ADGRG6: variants seen among roughly 807,000 people sequenced by gnomAD.
ADGRG6 encodes G-protein coupled receptor 126.
In ADGRG6, 84 loss-of-function variants were observed where a neutral mutation model predicts 142.4. That is an observed-to-expected ratio of 0.59 (90% CI 0.49 to 0.71). The LOEUF is 0.71. Ranked by LOEUF, ADGRG6 falls within the 30% of genes least tolerant of loss-of-function variation. The pLI is 0.00. For missense variants in ADGRG6, 1,367 were observed against 1,466.6 expected, an observed-to-expected ratio of 0.93 and a Z score of 1.11; for synonymous variants, 521 against 520.5, an observed-to-expected ratio of 1.00 and a Z score of -0.01.
intron 3 of ADGRG6, 125 bp downstream of exon 3, chr6:142,368,035 AG>A: frequency 1.6e-6 from 1 of 620,482 alleles, no homozygotes. Context: ...TTGGGATATA[AG>A]GGCAAGAATC....
chr6:142,302,214 C>A lies in ADGRG6; in HGVS notation c.-116C>A. On this transcript the variant is annotated 5_prime_UTR_variant, in exon 1 of 25. Coordinates refer to ENST00000367609, the MANE Select transcript of ADGRG6 (RefSeq NM_198569.3). The stretch of plus-strand genomic sequence containing the variant: ...GAAACGGCGTAAAGGAGGGTCCCGC[C>A]GCGGCGCAGGGCTGGGGCGCCTGGG... The A allele has an allele frequency of 8.3e-7, 1 of 1,210,048 alleles. No homozygotes were observed. Among genetic ancestry groups the A allele is most frequent in the Non-Finnish European group, 1.2e-6 (1 of 863,058 alleles). The allele number at this position is 1,210,048 out of a possible 1,614,324, so 75.0% of individuals were successfully genotyped here.
intron 15 of ADGRG6, among the ~76,000 whole-genome samples, chr6:142,407,270 T>C (rs1387121656): frequency 3.3e-5 from 5 of 151,416 alleles, no homozygotes; most frequent in Non-Finnish European, 7.4e-5. Flanking sequence ...TCCCCTATCA[T>C]AGAGGGCAAG....
Position 142,381,975 on chromosome 6 carries a change from C to A in ADGRG6, c.1094C>A (p.Ala365Glu). 6.2e-7 allele frequency: 1 copy of A among 1,606,256 alleles called. No individual in the cohort carries two copies. The highest frequency in any genetic ancestry group is 8.5e-7 in the Non-Finnish European group (1 of 1,175,072). Residue 365 changes from alanine (A) to glutamate (E), a missense_variant, in exon 5 of 25, where the codon GCA (alanine) becomes GAA (glutamate). By Grantham distance (107) the Ala-to-Glu change is moderately radical. Around this residue, in one of 3 missense-constraint regions of ADGRG6, gnomAD observed 737 missense variants for 746.5 expected, o/e 0.99. Coordinates refer to ENST00000367609, the MANE Select transcript of ADGRG6 (RefSeq NM_198569.3). ...GGTTCCTACCTGATCCCGCTCCCAG[C>A]AGCAGAACTGGCCAGCTGTGCAGAC... The part of the protein sequence containing the change: ...SCGSYLIPLP[A>E]AELASCADLG...
At chr6:142,424,886 A>T (rs1265189790) in intron 22 of ADGRG6, among the ~76,000 whole-genome samples, 1 of 152,190 alleles carries the variant, frequency 6.6e-6, no homozygotes, top group African/African-American at 2.4e-5. Context: ...ACAAAAAAAC[A>T]TGATATCTAA....
chr6:142,401,601 C>A (rs1167858750), intron 11 of ADGRG6, among the ~76,000 whole-genome samples: 1 of 152,006 alleles, frequency 6.6e-6, no homozygotes, highest in Admixed American at 6.6e-5. Context: ...AAGTTATTAA[C>A]TAATCTTTTC....
intron 6 of ADGRG6, among the ~76,000 whole-genome samples, chr6:142,387,613 T>A (rs1408588733): frequency 6.6e-6 from 1 of 152,218 alleles, no homozygotes; most frequent in Non-Finnish European, 1.5e-5. Flanking sequence ...TTTTAACGTC[T>A]ATTTTTTCAA....
At chr6:142,371,306 G>A (rs1444802151) in intron 4 of ADGRG6, among the ~76,000 whole-genome samples, 2 of 151,494 alleles carry the variant, frequency 1.3e-5, no homozygotes, top group South Asian at 4.2e-4. Flanking sequence ...GGGACCACAG[G>A]CGTGCACCAC....
In ADGRG6 at chr6:142,420,087, T is replaced by C; in HGVS notation, c.3302T>C (p.Ile1101Thr). 6.2e-7 allele frequency: 1 copy of C among 1,611,988 alleles called. No individual in the cohort carries two copies. The highest frequency in any genetic ancestry group is 8.5e-7 in the Non-Finnish European group (1 of 1,178,404). The change falls in exon 22 of 25, where the codon ATC becomes ACC. Residue 1101 changes from isoleucine (I) to threonine (T), a missense_variant. Ile to Thr is a moderately conservative substitution (Grantham distance 89). Transcript: ENST00000367609. The stretch of plus-strand genomic sequence containing the variant: ...ATCCCCTTCATGTACCTCTTCTCCA[T>C]CTTCAATTCATTACAAGGTAAGATA... ...LNIPFMYLFS[I>T]FNSLQGLFIF...
At chr6:142,309,879 T>C (rs1224090794) in intron 2 of ADGRG6, among the ~76,000 whole-genome samples, 1 of 151,880 alleles carries the variant, frequency 6.6e-6, no homozygotes, top group Non-Finnish European at 1.5e-5. Flanking sequence ...ATTTCTTTAA[T>C]CTTTGTTGTC....
intron 22 of ADGRG6, among the ~76,000 whole-genome samples, chr6:142,434,418 G>A (rs968706594): frequency 4.0e-5 from 6 of 151,642 alleles, no homozygotes; most frequent in South Asian, 4.2e-4. Flanking sequence ...TCCGCCTCCC[G>A]AGTTCAAGCA....
In ADGRG6 at chr6:142,342,924, GTTA is replaced by G. The variant is rs537680663; in HGVS notation, c.104-24638_104-24636del. The stretch of plus-strand genomic sequence containing the variant: ...AAATTTTGACCTCTGATTTACTCAT[GTTA>G]TTATTACCTTTGTGTATATTTCAAC... On this transcript the variant is annotated intron_variant, in intron 2 of 24. Transcript: ENST00000367609. Among the ~76,000 whole-genome samples, 195 of 151,748 alleles carry G rather than the reference GTTA, an allele frequency of 1.3e-3. 1 individual carries two copies. The highest frequency in any genetic ancestry group is 4.4e-3 in the African/African-American group (183 of 41,468).
chr6:142,363,047 G>C (rs1399199155), intron 2 of ADGRG6, among the ~76,000 whole-genome samples: 1 of 152,142 alleles, frequency 6.6e-6, no homozygotes, highest in East Asian at 1.9e-4. Flanking sequence ...AATTTTCACT[G>C]ACCAGGTTTT....
intron 2 of ADGRG6, among the ~76,000 whole-genome samples, chr6:142,366,684 G>A (rs1780955951): frequency 6.6e-6 from 1 of 151,708 alleles, no homozygotes; most frequent in Non-Finnish European, 1.5e-5. Context: ...GAACCTGGGA[G>A]GCAGAGGTTG....
intron 22 of ADGRG6, among the ~76,000 whole-genome samples, chr6:142,426,826 A>G (rs1202403225): frequency 1.3e-5 from 2 of 152,188 alleles, no homozygotes; most frequent in Non-Finnish European, 2.9e-5. Flanking sequence ...GCTCAACACC[A>G]TATGGAAGCT....
chr6:142,400,808 C>T (rs149435509), intron 11 of ADGRG6: 49 of 465,190 alleles, frequency 1.1e-4, no homozygotes, highest in East Asian at 8.4e-4. Flanking sequence ...ACATGCTAAT[C>T]AAGCCCTTTC....
At chr6:142,413,899 T>TCACA (rs112923600) in intron 18 of ADGRG6, among the ~76,000 whole-genome samples, 7,673 of 141,428 alleles carry the variant, frequency 0.054, 209 homozygotes, top group Admixed American at 0.079. Flanking sequence ...CATTTCTTTA[T>TCACA]CACACACACA....
chr6:142,347,158 T>G (rs1342176620), intron 2 of ADGRG6, among the ~76,000 whole-genome samples: 3 of 152,158 alleles, frequency 2.0e-5, no homozygotes, highest in Non-Finnish European at 4.4e-5. Flanking sequence ...ATAATAGGCT[T>G]TGAAGATACA....
intron 2 of ADGRG6, among the ~76,000 whole-genome samples, chr6:142,343,160 G>C (rs1349258024): frequency 6.6e-6 from 1 of 151,512 alleles, no homozygotes; most frequent in Non-Finnish European, 1.5e-5. Flanking sequence ...TACATTTCCT[G>C]CTTTTCCTGT....
intron 9 of ADGRG6, among the ~76,000 whole-genome samples, chr6:142,396,436 A>G (rs1775201065): frequency 6.6e-6 from 1 of 152,166 alleles, no homozygotes; most frequent in South Asian, 2.1e-4. Context: ...ATTAGCACAG[A>G]TATTTAGGAA....
Sources: gnomAD v4.1 joint callset for allele counts (sites outside exome capture counted in the v4.1 genomes callset) on GRCh38, gnomAD v4.1.1 for gene constraint, gnomAD v4.1.1 regional missense constraint, MANE v1.5 for transcripts, NCBI Gene and HGNC (gene_info 2026-07-23, HGNC 2026-07-21) for gene names.